RUSC1: variants seen among roughly 807,000 people sequenced by gnomAD.
The protein encoded by RUSC1 is RUN and SH3 domain containing 1, also known as AP-4 complex accessory subunit RUSC1.
Under a neutral mutation model 72.1 loss-of-function variants are expected in RUSC1, and 40 were observed. The ratio of observed to expected loss-of-function variants is 0.55; its 90% CI spans 0.43 to 0.72. The LOEUF is 0.72. Among genes scored for constraint, RUSC1 ranks in the 30% least tolerant of loss-of-function variants. The pLI is 0.00. For missense variants in RUSC1, 1,092 were observed against 1,172.3 expected (o/e 0.93, Z 1.00); for synonymous variants, 512 against 494.2 (o/e 1.04, Z -0.48).
rs746908746 is a variant in RUSC1, at chr1:155,328,134, A to G, written c.2415-16A>G. The stretch of plus-strand genomic sequence containing the variant: ...TGGAAGTGGGTTGAGCTGTGACCCT[A>G]TGTCCCTTCTTTTAGGAGACCATCT... On this transcript the variant is annotated splice_polypyrimidine_tract_variant and intron_variant, in intron 8 of 9. Transcript: ENST00000368352. The G allele has an allele frequency of 6.2e-7, 1 of 1,610,834 alleles. No individual in the cohort carries two copies. The highest frequency in any genetic ancestry group is 8.5e-7 in the Non-Finnish European group (1 of 1,178,314).
Position 155,324,827 on chromosome 1 carries a change from C to G in RUSC1, c.1358-18C>G. 1 of 1,614,258 alleles carries G rather than the reference C, an allele frequency of 6.2e-7. No homozygotes were observed. Among genetic ancestry groups the G allele is most frequent in the East Asian group, 2.2e-5 (1 of 44,896 alleles). On this transcript the variant is annotated intron_variant, in intron 2 of 9. Coordinates refer to ENST00000368352, the MANE Select transcript of RUSC1 (RefSeq NM_001105203.2). Reference sequence around the variant, plus strand: ...AACACTTGGTAAGTGTTACCGCGCCCTTCTTCCCTTACGCCAGTCCGTAGT... The same window carrying G: ...AACACTTGGTAAGTGTTACCGCGCCGTTCTTCCCTTACGCCAGTCCGTAGT...
In RUSC1 at chr1:155,330,565, T is replaced by A; in HGVS notation, c.2703T>A (p.Val901=). Residue 901 remains valine (V), a synonymous_variant, in exon 10 of 10, where the codon GTT becomes GTA. Transcript: ENST00000368352. The part of the protein sequence containing the change: ...GLVPVGYTSL[V]L ...TGCCTGTGGGGTATACCTCCCTTGT[T>A]CTGTAGCCCTGGGACCCTTTCCTGC... 1.3e-6 allele frequency: 2 copies of A among 1,592,294 alleles called. No individual in the cohort carries two copies. Among genetic ancestry groups the A allele is most frequent in the Non-Finnish European group, 1.7e-6 (2 of 1,167,888 alleles).
At position 155,325,901 on chromosome 1, in the gene RUSC1, G is replaced by A. The variant is rs1275033127; in HGVS notation, c.1852G>A (p.Glu618Lys). Residue 618 changes from glutamate to lysine, a missense_variant, in exon 7 of 10, where the codon GAA (glutamate) becomes AAA (lysine). Physicochemically the swap from Glu to Lys is moderately conservative, Grantham distance 56. Transcript: ENST00000368352. This position sits in a 1 kb window ranked among gnomAD's most constrained non-coding sequence, Gnocchi z 6.5. Reference protein sequence around the residue: ...QLELWFSSLQEDAGLLSLLYL... With the variant: ...QLELWFSSLQKDAGLLSLLYL... ...GGAGCTGTGGTTTTCCAGTCTCCAG[G>A]AAGATGCAGGTCAGAGGTTCAGATG... 1.2e-6 allele frequency: 2 copies of A among 1,614,048 alleles called. No individual in the cohort carries two copies. Among genetic ancestry groups the A allele is most frequent in the African/African-American group, 1.3e-5 (1 of 74,926 alleles).
Position 155,321,990 on chromosome 1 carries a change from T to C in RUSC1, c.217T>C (p.Cys73Arg). 1 of 1,600,316 alleles carries C rather than the reference T, an allele frequency of 6.2e-7. No homozygotes were observed. Among genetic ancestry groups the C allele is most frequent in the East Asian group, 2.2e-5 (1 of 44,730 alleles). Reference protein sequence around the residue: ...NSNSPAVPCRCCQEHGPGLEN... With the variant: ...NSNSPAVPCRRCQEHGPGLEN... The stretch of plus-strand genomic sequence containing the variant: ...CAACAGCCCAGCTGTGCCCTGCCGG[T>C]GCTGCCAGGAGCACGGTCCGGGCCT... The change falls in exon 2 of 10, where the codon TGC becomes CGC. Residue 73 changes from cysteine to arginine, a missense_variant. By Grantham distance (180) the Cys-to-Arg change is radical (BLOSUM62 -3). Coordinates refer to ENST00000368352, the MANE Select transcript of RUSC1 (RefSeq NM_001105203.2).
Position 155,326,448 on chromosome 1 carries a change from C to A in RUSC1, c.1862-132C>A. On this transcript the variant is annotated intron_variant, in intron 7 of 9. Coordinates refer to ENST00000368352, the MANE Select transcript of RUSC1 (RefSeq NM_001105203.2). This position sits in a 1 kb window ranked among gnomAD's most constrained non-coding sequence, Gnocchi z 4.7. ...ATGTCAGTCCTATAGCCCACCACAT[C>A]CTTCCTCCTCTCTGCCCCAGTGCCC... 1.1e-6 allele frequency: 1 copy of A among 916,798 alleles called. No homozygotes were observed. The highest frequency in any genetic ancestry group is 1.7e-5 in the South Asian group (1 of 58,522). The allele number at this position is 916,798 out of a possible 1,614,324, so 56.8% of individuals were successfully genotyped here.
chr1:155,330,153 G>T (rs919603789), intron 9 of RUSC1, among the ~76,000 whole-genome samples: 3 of 152,098 alleles, frequency 2.0e-5, no homozygotes, highest in African/African-American at 7.2e-5. Context: ...TCATTTGCCT[G>T]TGTTGAATTT....
intron 2 of RUSC1, chr1:155,323,820 G>T: frequency 1.4e-6 from 1 of 706,472 alleles, no homozygotes; most frequent in Non-Finnish European, 1.7e-6. Context: ...TACGTAAGAC[G>T]GACCCGGGCT....
chr1:155,328,736 T>G (rs188424464), intron 9 of RUSC1, among the ~76,000 whole-genome samples: 1 of 152,124 alleles, frequency 6.6e-6, no homozygotes. Context: ...GTAGCTGGGA[T>G]TACAGGCACA....
rs1245869917 is a variant in RUSC1, at chr1:155,322,103, A to C, written c.330A>C (p.Ser110=). The C allele has an allele frequency of 1.2e-6, 2 of 1,613,036 alleles. No homozygotes were observed. Among genetic ancestry groups the C allele is most frequent in the Non-Finnish European group, 1.7e-6 (2 of 1,179,314 alleles). ...GCTCCTCCTCACTCAGCTCCTGCTC[A>C]GATCTTAGCCCCGATGAGTCCCCTG... The part of the protein sequence containing the change: ...PGCSSSLSSC[S]DLSPDESPVS... Residue 110 remains serine (S), a synonymous_variant, in exon 2 of 10, where the codon TCA becomes TCC. Coordinates refer to ENST00000368352, the MANE Select transcript of RUSC1 (RefSeq NM_001105203.2).
Position 155,325,769 on chromosome 1 carries a change from G to A in RUSC1, c.1815-95G>A. ...GTAGTGCCTCACATCCCCAGAGAAG[G>A]CCCCCCCTCTTCCAATCTCATCTCC... On this transcript the variant is annotated intron_variant, in intron 6 of 9. Coordinates refer to ENST00000368352, the MANE Select transcript of RUSC1 (RefSeq NM_001105203.2). The surrounding 1 kb of genome is among the most constrained non-coding windows in gnomAD (Gnocchi z 6.5). 1 of 1,580,396 alleles carries A rather than the reference G, an allele frequency of 6.3e-7. No homozygotes were observed. Among genetic ancestry groups the A allele is most frequent in the Non-Finnish European group, 8.7e-7 (1 of 1,150,748 alleles).
Position 155,321,823 on chromosome 1 carries a change from T to C in RUSC1, c.50T>C (p.Leu17Pro). 6.2e-7 allele frequency: 1 copy of C among 1,613,794 alleles called. No individual in the cohort carries two copies. Among genetic ancestry groups the C allele is most frequent in the Non-Finnish European group, 8.5e-7 (1 of 1,179,970 alleles). The change falls in exon 2 of 10, where the codon CTC becomes CCC. Residue 17 changes from leucine to proline, a missense_variant. Physicochemically the swap from Leu to Pro is moderately conservative, Grantham distance 98. Transcript: ENST00000368352. ...ALLCNLNHIH[L>P]QHVSLGLHLS... is the part of the protein sequence containing the mutation. ...CTCTGCAACCTCAACCACATCCACC[T>C]CCAGCACGTCTCCCTGGGCCTGCAC...
Position 155,322,034 on chromosome 1 carries a change from G to A in RUSC1, c.261G>A (p.Pro87=), listed in dbSNP as rs760241371. 9 of 1,612,296 alleles carry A rather than the reference G, an allele frequency of 5.6e-6. No individual in the cohort carries two copies. The highest frequency in any genetic ancestry group is 2.7e-5 in the African/African-American group (2 of 74,888). ...CGGGCCTAGAAAACCGGCAGGACCC[G>A]TCACAGGAGGAAGAGGGGGCTGCCT... ...HGPGLENRQD[P]SQEEEGAASP... Residue 87 remains proline, a synonymous_variant, in exon 2 of 10, where the codon CCG becomes CCA. Transcript: ENST00000368352.
At chr1:155,324,416 C>A in intron 2 of RUSC1, 1 of 1,613,148 alleles carries the variant, frequency 6.2e-7, no homozygotes, top group South Asian at 1.1e-5. Context: ...TTCCATTGGT[C>A]CATGCCGCCC....
At chr1:155,324,992 C>A in intron 3 of RUSC1, 49 bp downstream of exon 3, 1 of 1,613,934 alleles carries the variant, frequency 6.2e-7, no homozygotes. Flanking sequence ...AACTGCCCTT[C>A]GCCCCCGGCC....
chr1:155,324,964 AC>A, intron 3 of RUSC1, 21 bp downstream of exon 3: 1 of 1,613,826 alleles, frequency 6.2e-7, no homozygotes, highest in Non-Finnish European at 8.5e-7. Flanking sequence ...CTGACTCCCG[AC>A]CCCGCGCTTC....
intron 9 of RUSC1, among the ~76,000 whole-genome samples, 162 bp downstream of exon 9, chr1:155,328,437 G>T (rs183930654): frequency 1.3e-3 from 189 of 150,716 alleles, no homozygotes; most frequent in Non-Finnish European, 2.2e-3. Flanking sequence ...TTGAGCCTTG[G>T]ATTTTTTTTT....
Position 155,325,762 on chromosome 1 carries a change from A to C in RUSC1, c.1814+90A>C. 1 of 1,581,086 alleles carries C rather than the reference A, an allele frequency of 6.3e-7. No homozygotes were observed. On this transcript the variant is annotated intron_variant, in intron 6 of 9. Coordinates refer to ENST00000368352, the MANE Select transcript of RUSC1 (RefSeq NM_001105203.2). This position sits in a 1 kb window ranked among gnomAD's most constrained non-coding sequence, Gnocchi z 6.5. Reference sequence around the variant, plus strand: ...CACAGTAGTAGTGCCTCACATCCCCAGAGAAGGCCCCCCCTCTTCCAATCT... The same window carrying C: ...CACAGTAGTAGTGCCTCACATCCCCCGAGAAGGCCCCCCCTCTTCCAATCT...
Position 155,325,838 on chromosome 1 carries a change from CTTCCA to C in RUSC1, c.1815-21_1815-17del, listed in dbSNP as rs1395909789. The C allele has an allele frequency of 1.9e-6, 3 of 1,613,840 alleles. No homozygotes were observed. The African/African-American group carries it at 4.0e-5, about 22-fold the overall frequency. On this transcript the variant is annotated intron_variant, in intron 6 of 9. Transcript: ENST00000368352. The surrounding 1 kb of genome is among the most constrained non-coding windows in gnomAD (Gnocchi z 6.5). Reference sequence around the variant, plus strand: ...GACTGGAGTCCTCCACCTCCCTGAACTTCCATTCCCTCTTTTCTCCCCTAGCACCA... The same window carrying C: ...GACTGGAGTCCTCCACCTCCCTGAACTTCCCTCTTTTCTCCCCTAGCACCA...
chr1:155,322,952 C>T lies in RUSC1; in HGVS notation c.1179C>T (p.Gly393=), dbSNP rs752383018. The change falls in exon 2 of 10, where the codon GGC becomes GGT. Residue 393 remains glycine (G), a synonymous_variant. Coordinates refer to ENST00000368352, the MANE Select transcript of RUSC1 (RefSeq NM_001105203.2). The part of the protein sequence containing the change: ...PPVPPRDPPV[G]WALVPPRPPP... ...TCCCGCCTCGAGACCCCCCAGTTGGCTGGGCTTTGGTCCCGCCCCGGCCCC... is the reference window on the plus strand; with the variant it reads ...TCCCGCCTCGAGACCCCCCAGTTGGTTGGGCTTTGGTCCCGCCCCGGCCCC... 1 of 1,583,830 alleles carries T rather than the reference C, an allele frequency of 6.3e-7. No homozygotes were observed. Among genetic ancestry groups the T allele is most frequent in the Non-Finnish European group, 8.6e-7 (1 of 1,165,100 alleles).
Sources: allele counts gnomAD v4.1 joint callset (sites outside exome capture counted in the v4.1 genomes callset), GRCh38; gene constraint gnomAD v4.1.1; non-coding constraint Gnocchi (gnomAD v3.1); transcripts MANE v1.5; gene names NCBI Gene and HGNC (gene_info 2026-07-23, HGNC 2026-07-21).